Variants in TANC1 observed in about 807,000 individuals in gnomAD.
TANC1 encodes protein TANC1.
TANC1 carries 77 observed loss-of-function variants against 149.7 expected under a neutral mutation model. That is an observed-to-expected ratio of 0.51 (90% CI 0.43 to 0.62). The LOEUF (loss-of-function observed/expected upper bound fraction) is 0.62, where lower values mean the gene tolerates loss of function less well. Ranked by LOEUF, TANC1 falls within the 20% of genes least tolerant of loss-of-function variation. TANC1 has a pLI of 0.00. For synonymous variants in TANC1, 854 were observed against 925.0 expected, an observed-to-expected ratio of 0.92 and a Z score of 1.39; for missense variants, 1,985 against 2,321.8, an observed-to-expected ratio of 0.85 and a Z score of 2.98.
intron 2 of TANC1, among the ~76,000 whole-genome samples, chr2:159,048,462 G>A (rs1160860537): frequency 6.6e-6 from 1 of 152,140 alleles, no homozygotes; most frequent in Non-Finnish European, 1.5e-5. Flanking sequence ...GGGTTTTTAT[G>A]AGGAGGAAAT....
At chr2:159,051,500 A>C (rs934621270) in intron 2 of TANC1, among the ~76,000 whole-genome samples, 18 of 152,182 alleles carry the variant, frequency 1.2e-4, no homozygotes, top group African/African-American at 4.3e-4. Flanking sequence ...TAGAGGAAAA[A>C]CATCTGATGT....
At chr2:159,029,954 G>T (rs1159013212) in intron 2 of TANC1, among the ~76,000 whole-genome samples, 4 of 152,172 alleles carry the variant, frequency 2.6e-5, no homozygotes, top group Admixed American at 2.6e-4. Flanking sequence ...CTCCCAAAGT[G>T]CTGGGATTAT....
chr2:159,158,378 G>T (rs923819783), intron 7 of TANC1, among the ~76,000 whole-genome samples: 3 of 152,078 alleles, frequency 2.0e-5, no homozygotes, highest in African/African-American at 7.2e-5. Context: ...AAAAAACCAT[G>T]TAGAGCCCCA....
chr2:159,091,061 G>A (rs1459805861), intron 3 of TANC1, among the ~76,000 whole-genome samples: 9 of 152,126 alleles, frequency 5.9e-5, no homozygotes, highest in Admixed American at 2.0e-4. Context: ...CTCTGTGGTG[G>A]CCCAGTACTG....
At position 159,001,538 on chromosome 2, in the gene TANC1, AAAAT is replaced by A. The variant is rs1332905801; in HGVS notation, c.-16+353_-16+356del. Among the ~76,000 whole-genome samples, 1 of 152,232 alleles carries A rather than the reference AAAAT, an allele frequency of 6.6e-6. No homozygotes were observed. The highest frequency in any genetic ancestry group is 1.5e-5 in the Non-Finnish European group (1 of 68,040). The stretch of plus-strand genomic sequence containing the variant: ...TTTTATGTCTATTTTATCACAATGA[AAAAT>A]AAAAACGTGGTGGAGGGAGGGAGTA... On this transcript the variant is annotated intron_variant, in intron 2 of 26. Transcript: ENST00000263635. The surrounding 1 kb of genome is among the most constrained non-coding windows in gnomAD (Gnocchi z 4.3).
chr2:159,217,643 C>A lies in TANC1; in HGVS notation c.3378+13C>A. On this transcript the variant is annotated intron_variant, in intron 20 of 26. Coordinates refer to ENST00000263635, the MANE Select transcript of TANC1 (RefSeq NM_033394.3). ...GGGGCATTGGCAGGTACCCAGGGGG[C>A]CCCTGAATGCTTCAGAAGCAATGAG... 1.2e-6 allele frequency: 2 copies of A among 1,613,394 alleles called. No homozygotes were observed. Among genetic ancestry groups the A allele is most frequent in the Non-Finnish European group, 1.7e-6 (2 of 1,179,776 alleles).
At chr2:159,138,933 AAAAC>A (rs1168319274) in intron 5 of TANC1, among the ~76,000 whole-genome samples, 2 of 152,240 alleles carry the variant, frequency 1.3e-5, no homozygotes, top group East Asian at 1.9e-4. Flanking sequence ...AAATCAAAGG[AAAAC>A]AAACCAAAGA....
intron 19 of TANC1, among the ~76,000 whole-genome samples, chr2:159,208,225 A>G (rs1233178830): frequency 1.3e-5 from 2 of 152,190 alleles, no homozygotes; most frequent in Non-Finnish European, 2.9e-5. Flanking sequence ...AAGTTGATTA[A>G]TATTATTAAT....
intron 1 of TANC1, among the ~76,000 whole-genome samples, chr2:158,969,664 A>C (rs996233029): frequency 2.0e-5 from 3 of 152,188 alleles, no homozygotes; most frequent in Non-Finnish European, 4.4e-5. Context: ...AGCTCTAGGC[A>C]TTGTGTGGTG....
chr2:159,225,623 C>G (rs575623168), intron 23 of TANC1, 65 bp from the exon 24 acceptor site: 141 of 1,329,768 alleles, frequency 1.1e-4, no homozygotes, highest in Middle Eastern at 9.0e-4. Context: ...CGTGGGGCCA[C>G]GGAGGAATTG....
intron 2 of TANC1, among the ~76,000 whole-genome samples, chr2:159,059,556 A>G (rs1323218813): frequency 6.6e-6 from 1 of 152,038 alleles, no homozygotes; most frequent in Non-Finnish European, 1.5e-5. Context: ...CCAATTCTTT[A>G]CTTATCACAA....
intron 14 of TANC1, among the ~76,000 whole-genome samples, chr2:159,183,177 G>T (rs1226990042): frequency 5.3e-5 from 8 of 152,168 alleles, no homozygotes; most frequent in Non-Finnish European, 1.0e-4. Context: ...TGGCCTCATG[G>T]GCAGAGTAGA....
At chr2:159,199,121 A>G in intron 19 of TANC1, 68 bp downstream of exon 19, 1 of 1,248,112 alleles carries the variant, frequency 8.0e-7, no homozygotes, top group Admixed American at 1.7e-5. Flanking sequence ...TTTTGGCCTA[A>G]TTGTCTTAAG....
chr2:159,030,040 A>T (rs1326871755), intron 2 of TANC1, among the ~76,000 whole-genome samples: 1 of 152,146 alleles, frequency 6.6e-6, no homozygotes, highest in African/African-American at 2.4e-5. Flanking sequence ...TTTTGGAGAG[A>T]AGTCAACATT....
chr2:159,195,965 G>A (rs1426692894), intron 17 of TANC1, among the ~76,000 whole-genome samples: 1 of 152,222 alleles, frequency 6.6e-6, no homozygotes, highest in African/African-American at 2.4e-5. Context: ...GGCTGCCGCT[G>A]CTTTGGGGCC....
chr2:159,229,274 C>A (rs957172289), intron 26 of TANC1, among the ~76,000 whole-genome samples: 1 of 152,024 alleles, frequency 6.6e-6, no homozygotes, highest in Non-Finnish European at 1.5e-5. Context: ...CACAGTGTTA[C>A]CATGGGATGG....
intron 19 of TANC1, among the ~76,000 whole-genome samples, chr2:159,199,767 G>A (rs1007236004): frequency 1.3e-5 from 2 of 152,224 alleles, no homozygotes; most frequent in Admixed American, 1.3e-4. Context: ...ATGTTTCTGT[G>A]TGTGTACCTG....
At chr2:159,041,686 C>T (rs753546782) in intron 2 of TANC1, among the ~76,000 whole-genome samples, 1 of 152,220 alleles carries the variant, frequency 6.6e-6, no homozygotes, top group Non-Finnish European at 1.5e-5. Context: ...CAGGTACAGT[C>T]TGCCACGGCT....
At position 159,087,520 on chromosome 2, in the gene TANC1, T is replaced by TG. The variant is rs1462607763; in HGVS notation, c.62-10117_62-10116insG. Among the ~76,000 whole-genome samples, 665 of 151,686 alleles carry TG rather than the reference T, an allele frequency of 4.4e-3. 4 individuals carry two copies. Among genetic ancestry groups the TG allele is most frequent in the African/African-American group, 0.015 (620 of 41,314 alleles). On this transcript the variant is annotated intron_variant, in intron 3 of 26. Transcript: ENST00000263635. Reference sequence around the variant, plus strand: ...TGTTTGTTTGTTTTGTTTTTGTTTTTTTTTTGACACAGGGTCTCCTTTTGT... The same window carrying TG: ...TGTTTGTTTGTTTTGTTTTTGTTTTTGTTTTTGACACAGGGTCTCCTTTTGT...
Sources: gnomAD v4.1 joint callset for allele counts (sites outside exome capture counted in the v4.1 genomes callset) on GRCh38, gnomAD v4.1.1 for gene constraint, Gnocchi (gnomAD v3.1) non-coding constraint, MANE v1.5 for transcripts, NCBI Gene and HGNC (gene_info 2026-07-23, HGNC 2026-07-21) for gene names.